The following SDK1 variants were observed in gnomAD, a reference collection of about 807,000 sequenced individuals.
SDK1 encodes sidekick cell adhesion molecule 1.
SDK1 carries 157 observed loss-of-function variants against 245.5 expected under a neutral mutation model. The observed-to-expected ratio is 0.64, with a 90% confidence interval of 0.56 to 0.73. The LOEUF (loss-of-function observed/expected upper bound fraction) is 0.73. SDK1 is among the 30% of genes least tolerant of loss of function. SDK1 has a pLI of 0.00. For missense variants in SDK1, 3,583 were observed against 3,002.3 expected (o/e 1.19, Z -4.52); for synonymous variants, 1,647 against 1,278.5 (o/e 1.29, Z -6.15).
chr7:3,504,730 G>C (rs769420248), intron 1 of SDK1, among the ~76,000 whole-genome samples: 37 of 151,634 alleles, frequency 2.4e-4, no homozygotes, highest in Non-Finnish European at 4.0e-4. Context: ...ATTACCTTGG[G>C]TTAGGCAGTT....
intron 32 of SDK1, among the ~76,000 whole-genome samples, chr7:4,162,231 C>T (rs1477862353): frequency 6.6e-6 from 1 of 152,068 alleles, no homozygotes; most frequent in Non-Finnish European, 1.5e-5. Context: ...TATCGCCCTA[C>T]AAGGCAGTAA....
At chr7:3,921,640 G>T (rs1329608909) in intron 5 of SDK1, among the ~76,000 whole-genome samples, 1 of 152,116 alleles carries the variant, frequency 6.6e-6, no homozygotes, top group African/African-American at 2.4e-5. Flanking sequence ...CCAAGAAGCT[G>T]ATTCCTGCAG....
At chr7:3,559,076 C>G (rs1311556872) in intron 1 of SDK1, among the ~76,000 whole-genome samples, 6 of 152,134 alleles carry the variant, frequency 3.9e-5, no homozygotes, top group Admixed American at 3.9e-4. Context: ...AAATAGGAAG[C>G]AAGCATGTTC....
chr7:3,442,061 G>C (rs541022228), intron 1 of SDK1, among the ~76,000 whole-genome samples: 2 of 152,244 alleles, frequency 1.3e-5, no homozygotes, highest in African/African-American at 2.4e-5. Context: ...TAGCCTGCTG[G>C]TACCTGCCAG....
At chr7:3,903,839 C>T (rs933861141) in intron 5 of SDK1, among the ~76,000 whole-genome samples, 1 of 152,108 alleles carries the variant, frequency 6.6e-6, no homozygotes, top group Non-Finnish European at 1.5e-5. Context: ...TTAGTACTCT[C>T]CCTTGGGAGT....
chr7:3,599,356 A>G (rs1478200732), intron 1 of SDK1, among the ~76,000 whole-genome samples: 1 of 151,790 alleles, frequency 6.6e-6, no homozygotes, highest in South Asian at 2.1e-4. Context: ...GATTCTTTGT[A>G]TATTCTAGAT....
At chr7:4,070,428 C>G (rs1388187420) in intron 20 of SDK1, among the ~76,000 whole-genome samples, 1 of 152,226 alleles carries the variant, frequency 6.6e-6, no homozygotes, top group Non-Finnish European at 1.5e-5. Flanking sequence ...GGGCTGGAGG[C>G]TCACGTGTGT....
At chr7:4,008,599 G>C (rs540456761) in intron 14 of SDK1, among the ~76,000 whole-genome samples, 1 of 152,194 alleles carries the variant, frequency 6.6e-6, no homozygotes, top group African/African-American at 2.4e-5. Flanking sequence ...AGGGGAAGGG[G>C]TGTTCTGTAA....
At chr7:3,420,214 T>G (rs1779499804) in intron 1 of SDK1, among the ~76,000 whole-genome samples, 1 of 152,256 alleles carries the variant, frequency 6.6e-6, no homozygotes, top group South Asian at 2.1e-4. Context: ...AACATTATTG[T>G]CATATTAGCA....
chr7:4,137,491 C>A (rs996794601), intron 28 of SDK1, among the ~76,000 whole-genome samples: 1 of 152,176 alleles, frequency 6.6e-6, no homozygotes, highest in Non-Finnish European at 1.5e-5. Context: ...AGGCCCGTGG[C>A]GCAGTCCCTT....
chr7:3,891,593 T>A (rs1562516504), intron 5 of SDK1, among the ~76,000 whole-genome samples: 1 of 152,358 alleles, frequency 6.6e-6, no homozygotes, highest in Non-Finnish European at 1.5e-5. Flanking sequence ...TTTTCGTGCA[T>A]GTCCTCCTTT....
At chr7:3,758,453 T>G (rs1780000915) in intron 4 of SDK1, among the ~76,000 whole-genome samples, 1 of 152,216 alleles carries the variant, frequency 6.6e-6, no homozygotes, top group South Asian at 2.1e-4. Flanking sequence ...AATCTTCTAT[T>G]TAGGTTGGTG....
chr7:3,592,879 A>C (rs372336417), intron 1 of SDK1, among the ~76,000 whole-genome samples: 8 of 152,326 alleles, frequency 5.3e-5, no homozygotes, highest in African/African-American at 1.9e-4. Context: ...GCTGATTAAT[A>C]TGTGAAAGTG....
intron 4 of SDK1, among the ~76,000 whole-genome samples, chr7:3,776,581 T>C (rs894030771): frequency 6.6e-6 from 1 of 152,212 alleles, no homozygotes; most frequent in African/African-American, 2.4e-5. Flanking sequence ...TATGTGAATA[T>C]GTATAAACCA....
intron 14 of SDK1, among the ~76,000 whole-genome samples, chr7:3,989,010 C>T (rs1199942991): frequency 2.0e-5 from 3 of 152,206 alleles, no homozygotes; most frequent in South Asian, 4.1e-4. Context: ...CCACCTTGGC[C>T]TCCCAAAGTG....
At chr7:3,314,616 T>A (rs970300644) in intron 1 of SDK1, among the ~76,000 whole-genome samples, 3 of 152,222 alleles carry the variant, frequency 2.0e-5, no homozygotes, top group African/African-American at 7.2e-5. Context: ...GAAAATTACT[T>A]ATATCTGTAT....
intron 1 of SDK1, among the ~76,000 whole-genome samples, chr7:3,338,769 C>A (rs1214559004): frequency 6.6e-6 from 1 of 152,132 alleles, no homozygotes; most frequent in African/African-American, 2.4e-5. Context: ...AATGTTGATA[C>A]CGGTAGAGTG....
At chr7:3,444,381 G>C (rs562617706) in intron 1 of SDK1, among the ~76,000 whole-genome samples, 5 of 151,938 alleles carry the variant, frequency 3.3e-5, no homozygotes, top group African/African-American at 1.2e-4. Flanking sequence ...TTTCTCTACC[G>C]TAGTCTCTTC....
intron 19 of SDK1, among the ~76,000 whole-genome samples, chr7:4,055,646 C>T (rs187672409): frequency 6.6e-6 from 1 of 152,012 alleles, no homozygotes; most frequent in Middle Eastern, 3.4e-3. Context: ...GATTTCTGCT[C>T]TTTATAATTT....
Sources: allele counts gnomAD v4.1 joint callset (sites outside exome capture counted in the v4.1 genomes callset), GRCh38; gene constraint gnomAD v4.1.1; transcripts MANE v1.5; gene names NCBI Gene and HGNC (gene_info 2026-07-23, HGNC 2026-07-21).